FKBP1A: variants seen among roughly 807,000 people sequenced by gnomAD.
The protein encoded by FKBP1A is peptidyl-prolyl cis-trans isomerase FKBP1A.
Under a neutral mutation model 14.2 loss-of-function variants are expected in FKBP1A, and 5 were observed. The observed-to-expected ratio is 0.35, with a 90% CI of 0.18 to 0.74. The LOEUF (loss-of-function observed/expected upper bound fraction) is 0.74. FKBP1A is among the 30% of genes least tolerant of loss of function. FKBP1A has a pLI of 0.56. For synonymous variants in FKBP1A, 42 were observed against 49.1 expected (o/e 0.86, Z 0.60); for missense variants, 53 against 138.8 (o/e 0.38, Z 3.10).
At chr20:1,371,217 T>A (rs928170187) in intron 4 of FKBP1A, 47 of 984,882 alleles carry the variant, frequency 4.8e-5, no homozygotes, top group Non-Finnish European at 5.5e-5. Flanking sequence ...ATTCATGTAC[T>A]TAATGATTCT....
At chr20:1,381,938 G>GA (rs2089620749) in intron 2 of FKBP1A, among the ~76,000 whole-genome samples, 1 of 152,100 alleles carries the variant, frequency 6.6e-6, no homozygotes, top group Non-Finnish European at 1.5e-5. Flanking sequence ...AATTCAAAGG[G>GA]AAACAATGAC....
intron 2 of FKBP1A, among the ~76,000 whole-genome samples, chr20:1,382,964 C>A (rs1333799616): frequency 6.6e-6 from 1 of 152,162 alleles, no homozygotes; most frequent in Non-Finnish European, 1.5e-5. Context: ...AAGGAATCAG[C>A]AGAGGGAGAC....
At chr20:1,380,801 A>T (rs2089609272) in intron 2 of FKBP1A, among the ~76,000 whole-genome samples, 1 of 152,250 alleles carries the variant, frequency 6.6e-6, no homozygotes, top group East Asian at 1.9e-4. Context: ...AAAGCAACCC[A>T]GAACTAACAC....
chr20:1,369,726 C>T lies in FKBP1A; in HGVS notation c.*383G>A. On this transcript the variant is annotated 3_prime_UTR_variant, in exon 5 of 5. Coordinates refer to ENST00000400137, the MANE Select transcript of FKBP1A (RefSeq NM_000801.5). ...TAAAATAAAATATTCTTGCAAACCCCCCCCCCAACACCAATTCCTATTCTA... is the reference window on the plus strand; with the variant it reads ...TAAAATAAAATATTCTTGCAAACCCTCCCCCCAACACCAATTCCTATTCTA... The T allele has an allele frequency of 4.1e-6, 1 of 241,686 alleles. No homozygotes were observed. Among genetic ancestry groups the T allele is most frequent in the Non-Finnish European group, 8.5e-6 (1 of 117,820 alleles). 15.0% of individuals were successfully genotyped at this position (241,686 alleles called of 1,614,324 possible).
chr20:1,370,560 A>G, intron 4 of FKBP1A: 3 of 985,434 alleles, frequency 3.0e-6, no homozygotes, highest in Non-Finnish European at 3.6e-6. Context: ...GGTCATTCAT[A>G]ATGTTGAGTA....
Position 1,369,589 on chromosome 20 carries a change from C to G in FKBP1A, c.*520G>C, listed in dbSNP as rs2089433823. On this transcript the variant is annotated 3_prime_UTR_variant, in exon 5 of 5. Coordinates refer to ENST00000400137, the MANE Select transcript of FKBP1A (RefSeq NM_000801.5). ...CTTTTAATTTAACCCAAAGACATCT[C>G]TCAACTTGGAGAGTAATTCAGTCCT... is the stretch of plus-strand genomic sequence containing the variant. 6.0e-6 allele frequency: 1 copy of G among 167,928 alleles called. No individual in the cohort carries two copies. The highest frequency in any genetic ancestry group is 1.5e-5 in the Non-Finnish European group (1 of 68,690). The allele number at this position is 167,928 out of a possible 1,614,324, so 10.4% of individuals were successfully genotyped here.
chr20:1,381,429 G>A (rs1396744057), intron 2 of FKBP1A, among the ~76,000 whole-genome samples: 5 of 152,206 alleles, frequency 3.3e-5, no homozygotes, highest in African/African-American at 1.2e-4. Context: ...TAAAAAGACT[G>A]ACCACGTCAG....
At chr20:1,370,656 G>C (rs751809554) in intron 4 of FKBP1A, 2 of 985,258 alleles carry the variant, frequency 2.0e-6, no homozygotes, top group Non-Finnish European at 2.4e-6. Flanking sequence ...CCAGACTCTT[G>C]CAAGAAGCTG....
At position 1,388,446 on chromosome 20, in the gene FKBP1A, G is replaced by C. The variant is rs993123926; in HGVS notation, c.85+4388C>G. ...AAGAGCAACACTTTGGAGACAACTG[G>C]GTAGTCTCGATAGGCATTTGCTTCA... On this transcript the variant is annotated intron_variant, in intron 2 of 4. Transcript: ENST00000400137. 9.9e-5 allele frequency among the ~76,000 whole-genome samples: 15 copies of C among 152,176 alleles called. 1 individual carries two copies. The highest frequency in any genetic ancestry group is 2.4e-4 in the African/African-American group (10 of 41,424).
chr20:1,383,536 G>A (rs766133659), intron 2 of FKBP1A, among the ~76,000 whole-genome samples: 6 of 152,016 alleles, frequency 3.9e-5, no homozygotes, highest in Non-Finnish European at 5.9e-5. Flanking sequence ...GCCAGCTGCG[G>A]AGGAGGCTCA....
chr20:1,388,089 T>C (rs2089688079), intron 2 of FKBP1A, among the ~76,000 whole-genome samples: 3 of 152,104 alleles, frequency 2.0e-5, no homozygotes, highest in South Asian at 2.1e-4. Flanking sequence ...AAGGGAAAAA[T>C]GTACCTTTAC....
rs1359590474 is a variant in FKBP1A, at chr20:1,373,874, G to A, written c.198+1617C>T. Among the ~76,000 whole-genome samples the A allele has an allele frequency of 2.6e-5, 4 of 152,202 alleles. No homozygotes were observed. In the East Asian group the frequency reaches 7.7e-4, roughly 29 times the overall value. On this transcript the variant is annotated intron_variant, in intron 3 of 4. Transcript: ENST00000400137. ...AGACAGAGGCAAAAAGCTATGGTTG[G>A]CAAGGTTTCCCAAGGGAAGTAAACT...
At chr20:1,377,456 A>C (rs1312817678) in intron 2 of FKBP1A, 2 of 152,244 alleles carry the variant, frequency 1.3e-5, no homozygotes, top group Non-Finnish European at 2.9e-5. Context: ...GTGCCCCAGA[A>C]CTGGTGAGCT....
chr20:1,387,234 T>C (rs2089677163), intron 2 of FKBP1A, among the ~76,000 whole-genome samples: 1 of 151,500 alleles, frequency 6.6e-6, no homozygotes, highest in Non-Finnish European at 1.5e-5. Context: ...AAAAAAAAGG[T>C]CATGGACCCC....
intron 3 of FKBP1A, among the ~76,000 whole-genome samples, chr20:1,373,997 A>G (rs1206965869): frequency 6.6e-6 from 1 of 152,234 alleles, no homozygotes; most frequent in Non-Finnish European, 1.5e-5. Flanking sequence ...AAAGTTGAGC[A>G]GTTTATTTGG....
rs190982643 is a variant in FKBP1A at position 1,392,371 on chromosome 20, C to A, written c.85+463G>T. Among the ~76,000 whole-genome samples the A allele has an allele frequency of 2.0e-4, 31 of 152,258 alleles. No homozygotes were observed. In the East Asian group the frequency reaches 5.6e-3, roughly 28 times the overall value. On this transcript the variant is annotated intron_variant, in intron 2 of 4. Coordinates refer to ENST00000400137, the MANE Select transcript of FKBP1A (RefSeq NM_000801.5). ...CAGCAGCTCTGCAGACTCGGAATTACCTCGTCCTCATCTCCAGTGAAGGGA... is the reference window on the plus strand; with the variant it reads ...CAGCAGCTCTGCAGACTCGGAATTAACTCGTCCTCATCTCCAGTGAAGGGA...
At chr20:1,391,571 T>C in intron 2 of FKBP1A, 1 of 397,976 alleles carries the variant, frequency 2.5e-6, no homozygotes, top group Non-Finnish European at 4.4e-6. Flanking sequence ...GCCACAGAAA[T>C]AAAAGGGCAT....
At chr20:1,377,272 T>TTTG (rs1159668703) in intron 2 of FKBP1A, 15 of 152,196 alleles carry the variant, frequency 9.9e-5, no homozygotes, top group Non-Finnish European at 1.8e-4. Context: ...CTATGTGGAC[T>TTTG]TTAACAAAGT....
chr20:1,386,708 G>A lies in FKBP1A; in HGVS notation c.85+6126C>T, dbSNP rs1016002433. ...GAGACCTCCATGTGGGAAAAGGCTT[G>A]GAGCATTCGAGGAATGAATGCAGGC... On this transcript the variant is annotated intron_variant, in intron 2 of 4. Coordinates refer to ENST00000400137, the MANE Select transcript of FKBP1A (RefSeq NM_000801.5). The surrounding 1 kb of genome is among the most constrained non-coding windows in gnomAD (Gnocchi z 4.7). Among the ~76,000 whole-genome samples the A allele has an allele frequency of 6.6e-6, 1 of 152,178 alleles. No individual in the cohort carries two copies. Among genetic ancestry groups the A allele is most frequent in the Non-Finnish European group, 1.5e-5 (1 of 68,040 alleles).
Sources: allele counts gnomAD v4.1 joint callset (sites outside exome capture counted in the v4.1 genomes callset), GRCh38; gene constraint gnomAD v4.1.1; non-coding constraint Gnocchi (gnomAD v3.1); transcripts MANE v1.5; gene names NCBI Gene and HGNC (gene_info 2026-07-23, HGNC 2026-07-21).